The following CADM3 variants were observed in gnomAD, a reference collection of about 807,000 sequenced individuals.
CADM3 encodes the protein TSLC1-like 1.
A neutral mutation model predicts 44.9 loss-of-function variants in CADM3; 11 were observed. The ratio of observed to expected loss-of-function variants is 0.25; its 90% CI spans 0.15 to 0.41. The LOEUF (loss-of-function observed/expected upper bound fraction) is 0.41, where lower values mean the gene tolerates loss of function less well. CADM3 is among the 10% of genes least tolerant of loss of function. The probability of loss-of-function intolerance (pLI) is 1.00; values close to 1 mark genes in which losing one functional copy is unlikely to be tolerated. For missense variants in CADM3, 426 were observed against 512.0 expected (o/e 0.83, Z 1.62); for synonymous variants, 207 against 205.2 (o/e 1.01, Z -0.08).
Position 159,200,939 on chromosome 1 carries a change from C to T in CADM3, c.*17C>T. On this transcript the variant is annotated 3_prime_UTR_variant, in exon 9 of 9. Coordinates refer to ENST00000368125, the MANE Select transcript of CADM3 (RefSeq NM_001127173.3). ...TTCATCTAGAGGCGCCTGCCCACTT[C>T]CTGCGCCCCCCAGGGGCCCTGTGGG... 6.4e-7 allele frequency: 1 copy of T among 1,568,572 alleles called. No homozygotes were observed. The highest frequency in any genetic ancestry group is 8.7e-7 in the Non-Finnish European group (1 of 1,153,514).
intron 1 of CADM3, among the ~76,000 whole-genome samples, chr1:159,191,563 A>G (rs1649661851): frequency 6.6e-6 from 1 of 152,198 alleles, no homozygotes; most frequent in Non-Finnish European, 1.5e-5. Context: ...ACGTAGAACA[A>G]CAGATATGTC....
chr1:159,172,202 G>GT (rs1408737219), intron 1 of CADM3, among the ~76,000 whole-genome samples: 3 of 152,104 alleles, frequency 2.0e-5, no homozygotes, highest in Non-Finnish European at 4.4e-5. Flanking sequence ...TTCTGTGTCA[G>GT]TATCTGTGTG....
chr1:159,198,573 G>A (rs897998812), intron 7 of CADM3, among the ~76,000 whole-genome samples: 2 of 152,048 alleles, frequency 1.3e-5, no homozygotes, highest in Non-Finnish European at 2.9e-5. Context: ...ACTGAAACGC[G>A]GGCCCAGCCA....
chr1:159,188,687 G>A (rs1010145777), intron 1 of CADM3, among the ~76,000 whole-genome samples: 28 of 152,292 alleles, frequency 1.8e-4, no homozygotes, highest in Admixed American at 6.5e-4. Context: ...AGATTCGCAA[G>A]GCCGGTTTCT....
At chr1:159,182,057 G>GACACACACACACACACACAC (rs376492660) in intron 1 of CADM3, among the ~76,000 whole-genome samples, 1 of 143,994 alleles carries the variant, frequency 6.9e-6, no homozygotes, top group African/African-American at 2.5e-5. Context: ...CACACAGACA[G>GACACACACACACACACACAC]ACACACACAC....
chr1:159,193,639 A>G (rs1416162882), intron 4 of CADM3, 79 bp downstream of exon 4: 1 of 1,581,780 alleles, frequency 6.3e-7, no homozygotes, highest in Admixed American at 1.7e-5. Context: ...GAACGTACAC[A>G]GGAGGCATGG....
intron 1 of CADM3, among the ~76,000 whole-genome samples, chr1:159,191,630 G>T (rs1649664083): frequency 6.6e-6 from 1 of 152,220 alleles, no homozygotes; most frequent in Admixed American, 6.5e-5. Context: ...ATGTGGAGTG[G>T]TATGTGCAGA....
intron 1 of CADM3, among the ~76,000 whole-genome samples, chr1:159,172,580 G>T (rs1186785261): frequency 6.6e-6 from 1 of 152,268 alleles, no homozygotes; most frequent in East Asian, 1.9e-4. Context: ...GGGTAGGGGG[G>T]AGCGCAAAAG....
intron 1 of CADM3, among the ~76,000 whole-genome samples, chr1:159,188,482 C>A (rs899883327): frequency 2.6e-5 from 4 of 152,100 alleles, no homozygotes; most frequent in Admixed American, 2.6e-4. Context: ...CCTAGCGCCC[C>A]TTTCTCCCCT....
intron 1 of CADM3, among the ~76,000 whole-genome samples, chr1:159,180,069 T>C (rs541988321): frequency 6.6e-6 from 1 of 152,194 alleles, no homozygotes; most frequent in South Asian, 2.1e-4. Context: ...CAGTGACAGA[T>C]GGACTGAGCC....
intron 1 of CADM3, among the ~76,000 whole-genome samples, chr1:159,183,363 C>T (rs1649302774): frequency 6.6e-6 from 1 of 152,126 alleles, no homozygotes; most frequent in South Asian, 2.1e-4. Flanking sequence ...AAAGCTGGGA[C>T]AGAGTAGTTT....
chr1:159,196,809 C>G, intron 6 of CADM3, 82 bp from the exon 7 acceptor site: 1 of 1,355,954 alleles, frequency 7.4e-7, no homozygotes, highest in Non-Finnish European at 1.0e-6. Context: ...CCTTGACATC[C>G]CTGCTCCCAG....
chr1:159,196,621 C>T, intron 6 of CADM3, 167 bp downstream of exon 6: 1 of 671,674 alleles, frequency 1.5e-6, no homozygotes, highest in Non-Finnish European at 2.6e-6. Context: ...CAAAGCAGCA[C>T]AAATGGGAAG....
intron 1 of CADM3, among the ~76,000 whole-genome samples, chr1:159,184,396 AAC>A (rs1284625994): frequency 6.6e-6 from 1 of 152,236 alleles, no homozygotes; most frequent in Admixed American, 6.5e-5. Context: ...GGCTGGGATG[AAC>A]AGTATTTTTA....
chr1:159,202,356 C>G lies in CADM3; in HGVS notation c.*1434C>G, dbSNP rs1650257427. On this transcript the variant is annotated 3_prime_UTR_variant, in exon 9 of 9. Transcript: ENST00000368125. ...GTTTGCCCAGCTGTCCATTCTATCT[C>G]TCCCTTAAACACAGAGCATTCAGCC... 1 of 152,794 alleles carries G rather than the reference C, an allele frequency of 6.5e-6. No individual in the cohort carries two copies. Among genetic ancestry groups the G allele is most frequent in the African/African-American group, 2.4e-5 (1 of 41,456 alleles). 9.5% of individuals were successfully genotyped at this position (152,794 alleles called of 1,614,324 possible). A position where few individuals can be genotyped will look rare whatever the true frequency, so the allele number is the denominator to read the frequency against.
rs559739486 is a variant in CADM3 at position 159,188,075 on chromosome 1, T to C, written c.89-3861T>C. ...CATTTGGGCATTAGCGCTTCTCCCATTTAAGAACAGAGTAATTCCTAAAAT... is the reference window on the plus strand; with the variant it reads ...CATTTGGGCATTAGCGCTTCTCCCACTTAAGAACAGAGTAATTCCTAAAAT... On this transcript the variant is annotated intron_variant, in intron 1 of 8. Transcript: ENST00000368125. 3.3e-5 allele frequency among the ~76,000 whole-genome samples: 5 copies of C among 152,164 alleles called. No homozygotes were observed. In the South Asian group the frequency reaches 1.0e-3, roughly 32 times the overall value.
chr1:159,175,558 T>C (rs1214187845), intron 1 of CADM3, among the ~76,000 whole-genome samples: 1 of 152,254 alleles, frequency 6.6e-6, no homozygotes, highest in Non-Finnish European at 1.5e-5. Flanking sequence ...GTTGAAATGG[T>C]GAAGTAAGAC....
chr1:159,190,561 G>T (rs1053983123), intron 1 of CADM3, among the ~76,000 whole-genome samples: 1 of 152,158 alleles, frequency 6.6e-6, no homozygotes, highest in Non-Finnish European at 1.5e-5. Context: ...AATTCTTAAT[G>T]CTGAAACTAA....
intron 1 of CADM3, among the ~76,000 whole-genome samples, chr1:159,176,498 G>A (rs182993386): frequency 1.2e-3 from 180 of 152,252 alleles, no homozygotes; most frequent in Non-Finnish European, 2.1e-3. Context: ...AACTTGCTCC[G>A]ATTAAGTATA....
Sources: gnomAD v4.1 joint callset for allele counts (sites outside exome capture counted in the v4.1 genomes callset) on GRCh38, gnomAD v4.1.1 for gene constraint, MANE v1.5 for transcripts, NCBI Gene and HGNC (gene_info 2026-07-23, HGNC 2026-07-21) for gene names.